RNF150: variants seen among roughly 807,000 people sequenced by gnomAD.
The protein encoded by RNF150 is ring finger protein 150.
Under a neutral mutation model 39.3 loss-of-function variants are expected in RNF150, and 24 were observed. The observed-to-expected ratio is 0.61, with a 90% confidence interval of 0.44 to 0.86. The LOEUF (loss-of-function observed/expected upper bound fraction) is 0.86, where lower values mean the gene tolerates loss of function less well. Ranked by LOEUF, RNF150 falls within the 40% of genes least tolerant of loss-of-function variation. RNF150 has a pLI of 0.00. For synonymous variants in RNF150, 255 were observed against 227.3 expected (o/e 1.12, Z -1.10); for missense variants, 502 against 587.8 (o/e 0.85, Z 1.51).
intron 1 of RNF150, among the ~76,000 whole-genome samples, chr4:141,014,783 CCTTTA>C (rs70946787): frequency 0.17 from 25,267 of 148,230 alleles, 2,186 homozygotes; most frequent in East Asian, 0.34. Flanking sequence ...GTAGGTTGTT[CCTTTA>C]CTTTGTTGTT....
chr4:140,860,889 C>T lies in RNF150; in HGVS notation c.*7372G>A, dbSNP rs1209742637. 1 of 152,028 alleles carries T rather than the reference C, an allele frequency of 6.6e-6. No individual in the cohort carries two copies. Among genetic ancestry groups the T allele is most frequent in the Non-Finnish European group, 1.5e-5 (1 of 68,030 alleles). 9.4% of individuals were successfully genotyped at this position (152,028 alleles called of 1,614,324 possible). On this transcript the variant is annotated 3_prime_UTR_variant, in exon 7 of 7. Coordinates refer to ENST00000515673, the MANE Select transcript of RNF150 (RefSeq NM_020724.2). ...ACATATGTACTGCTTGAGAGTTTCCCCTGGAAACCAGAATAATCATCCTCC... is the reference window on the plus strand; with the variant it reads ...ACATATGTACTGCTTGAGAGTTTCCTCTGGAAACCAGAATAATCATCCTCC...
intron 1 of RNF150, among the ~76,000 whole-genome samples, chr4:141,009,555 A>G (rs906739122): frequency 8.5e-5 from 13 of 152,334 alleles, no homozygotes; most frequent in Admixed American, 7.8e-4. Context: ...TAGGAGGACT[A>G]AGATAACCCA....
At position 141,060,495 on chromosome 4, in the gene RNF150, G is replaced by T. The variant is rs139431166; in HGVS notation, c.484+71830C>A. Among the ~76,000 whole-genome samples, 104 of 152,196 alleles carry T rather than the reference G, an allele frequency of 6.8e-4. 2 individuals carry two copies. The South Asian group carries it at 0.011, about 15-fold the overall frequency. On this transcript the variant is annotated intron_variant, in intron 1 of 6. Coordinates refer to ENST00000515673, the MANE Select transcript of RNF150 (RefSeq NM_020724.2). The stretch of plus-strand genomic sequence containing the variant: ...AAAGAAAATTTATTTTGGCTTCCAA[G>T]ATTCTGTGTAATAAGGGTTATGGTG...
chr4:141,119,027 C>T (rs1243693600), intron 1 of RNF150, among the ~76,000 whole-genome samples: 1 of 152,144 alleles, frequency 6.6e-6, no homozygotes, highest in Admixed American at 6.5e-5. Context: ...TCTCAAAGTG[C>T]AAGGATTACA....
chr4:140,955,226 A>C (rs1220353460), intron 2 of RNF150, among the ~76,000 whole-genome samples: 2 of 152,112 alleles, frequency 1.3e-5, no homozygotes, highest in African/African-American at 4.8e-5. Context: ...CCACAAATCT[A>C]GAAAAATAGG....
intron 1 of RNF150, among the ~76,000 whole-genome samples, chr4:140,972,460 C>A (rs548331763): frequency 6.6e-6 from 1 of 152,260 alleles, no homozygotes; most frequent in East Asian, 1.9e-4. Context: ...CATTTTAGTA[C>A]ATTAACAAAT....
intron 2 of RNF150, among the ~76,000 whole-genome samples, chr4:140,960,031 A>G (rs911350077): frequency 7.2e-5 from 11 of 152,086 alleles, no homozygotes; most frequent in Non-Finnish European, 1.6e-4. Context: ...CCAGACATAC[A>G]CATCAAAATA....
Position 140,995,521 on chromosome 4 carries a change from C to T in RNF150, c.485-27648G>A, listed in dbSNP as rs1579036670. ...AGCGGCAGTAAATTCTAGGTGTTGC[C>T]ATTCTAGGGAATGGTAAACTGACAT... On this transcript the variant is annotated intron_variant, in intron 1 of 6. Coordinates refer to ENST00000515673, the MANE Select transcript of RNF150 (RefSeq NM_020724.2). Among the ~76,000 whole-genome samples, 3 of 152,212 alleles carry T rather than the reference C, an allele frequency of 2.0e-5. No individual in the cohort carries two copies. In the South Asian group the frequency reaches 6.2e-4, roughly 32 times the overall value.
At chr4:141,134,423 C>T (rs1726990793), upstream of RNF150, among the ~76,000 whole-genome samples, 1 of 152,192 alleles carries the variant, frequency 6.6e-6, no homozygotes, top group Non-Finnish European at 1.5e-5. Context: ...TGTTTCCCAC[C>T]TGATGCTCTT....
rs935801832 is a variant in RNF150 at position 140,860,451 on chromosome 4, A to G, written c.*7810T>C. Reference sequence around the variant, plus strand: ...TTTGGGTCAGATGCTATATAAATCAAGGAAGCTCAGTCACACAGTCTGAAT... The same window carrying G: ...TTTGGGTCAGATGCTATATAAATCAGGGAAGCTCAGTCACACAGTCTGAAT... On this transcript the variant is annotated 3_prime_UTR_variant, in exon 7 of 7. Transcript: ENST00000515673. 3 of 152,172 alleles carry G rather than the reference A, an allele frequency of 2.0e-5. No individual in the cohort carries two copies. The highest frequency in any genetic ancestry group is 4.4e-5 in the Non-Finnish European group (3 of 68,024). The allele number at this position is 152,172 out of a possible 1,614,324, so 9.4% of individuals were successfully genotyped here. A position where few individuals can be genotyped will look rare whatever the true frequency, so the allele number is the denominator to read the frequency against.
chr4:141,202,529 A>G (rs1229773618), intron 1 of RNF150, among the ~76,000 whole-genome samples: 3 of 152,146 alleles, frequency 2.0e-5, no homozygotes, highest in Non-Finnish European at 4.4e-5. Flanking sequence ...AAATTACACC[A>G]AGTTAACATA....
chr4:141,201,366 C>G (rs1227552894), intron 1 of RNF150, among the ~76,000 whole-genome samples: 1 of 152,172 alleles, frequency 6.6e-6, no homozygotes, highest in Admixed American at 6.5e-5. Flanking sequence ...TTACATGAGG[C>G]TTTCCAGATA....
intron 1 of RNF150, among the ~76,000 whole-genome samples, chr4:141,090,200 G>A (rs986214842): frequency 2.6e-5 from 4 of 152,096 alleles, no homozygotes; most frequent in Non-Finnish European, 4.4e-5. Context: ...AGAAAAGCTT[G>A]GGTCATCGAA....
intron 5 of RNF150, among the ~76,000 whole-genome samples, chr4:140,919,784 C>T (rs1366620987): frequency 6.6e-6 from 1 of 152,200 alleles, no homozygotes; most frequent in African/African-American, 2.4e-5. Context: ...TGACTTCAAA[C>T]TTGGTTACAA....
chr4:141,152,391 T>G (rs1383543668), intron 1 of RNF150, among the ~76,000 whole-genome samples: 1 of 152,234 alleles, frequency 6.6e-6, no homozygotes, highest in African/African-American at 2.4e-5. Flanking sequence ...GAGGGAATAT[T>G]CCATCCTTTT....
chr4:141,030,690 T>C (rs1444222271), intron 1 of RNF150, among the ~76,000 whole-genome samples: 2 of 152,176 alleles, frequency 1.3e-5, no homozygotes, highest in African/African-American at 4.8e-5. Flanking sequence ...CTTCAGATTA[T>C]ACTAAATAAG....
chr4:141,171,909 G>A (rs868343762), intron 1 of RNF150, among the ~76,000 whole-genome samples: 6 of 152,064 alleles, frequency 3.9e-5, no homozygotes, highest in African/African-American at 1.4e-4. Flanking sequence ...TCATACCTAG[G>A]TGCTTCTTCT....
rs1018108840 is a variant in RNF150 at position 140,942,122 on chromosome 4, A to C, written c.890+5532T>G. Among the ~76,000 whole-genome samples, 51 of 152,334 alleles carry C rather than the reference A, an allele frequency of 3.3e-4. 1 individual carries two copies. In the South Asian group the frequency reaches 4.6e-3, roughly 14 times the overall value. ...CTTAATGTCACTGAATTGTATATTT[A>C]AATATGATTAGAAAGGTAAATTTTA... On this transcript the variant is annotated intron_variant, in intron 4 of 6. Transcript: ENST00000515673.
intron 1 of RNF150, among the ~76,000 whole-genome samples, chr4:140,969,589 AG>A (rs1437823531): frequency 6.6e-6 from 1 of 152,036 alleles, no homozygotes; most frequent in Non-Finnish European, 1.5e-5. Flanking sequence ...GCAGCTATTT[AG>A]AGTTACTGAA....
Sources: allele counts gnomAD v4.1 joint callset (sites outside exome capture counted in the v4.1 genomes callset), GRCh38; gene constraint gnomAD v4.1.1; transcripts MANE v1.5; gene names NCBI Gene and HGNC (gene_info 2026-07-23, HGNC 2026-07-21).